The following SVOPL variants were observed in gnomAD, a reference collection of about 807,000 sequenced individuals.
SVOPL encodes SVOP like, also known as putative transporter SVOPL.
Under a neutral mutation model 61.0 loss-of-function variants are expected in SVOPL, and 60 were observed. The observed-to-expected ratio is 0.98, with a 90% confidence interval of 0.80 to 1.22. The LOEUF is 1.22. SVOPL is among the 50% of genes most tolerant of loss of function. SVOPL has a pLI of 0.00. For synonymous variants in SVOPL, 279 were observed against 250.0 expected, an observed-to-expected ratio of 1.12 and a Z score of -1.09; for missense variants, 662 against 643.9, an observed-to-expected ratio of 1.03 and a Z score of -0.30.
At chr7:138,640,221 C>CTT (rs34885728) in intron 9 of SVOPL, among the ~76,000 whole-genome samples, 12,365 of 149,844 alleles carry the variant, frequency 0.083, 1,389 homozygotes, top group African/African-American at 0.25. Flanking sequence ...TTTTTTTTAA[C>CTT]TTTTTTTTTT....
intron 5 of SVOPL, chr7:138,662,002 T>G: frequency 1.0e-6 from 1 of 985,474 alleles, no homozygotes; most frequent in Non-Finnish European, 1.2e-6. Flanking sequence ...TTCCCCTAAC[T>G]CCAGAGGTTT....
intron 14 of SVOPL, among the ~76,000 whole-genome samples, chr7:138,611,878 A>AC (rs1799032538): frequency 5.3e-5 from 4 of 75,912 alleles, no homozygotes; most frequent in Admixed American, 2.1e-4. Context: ...CCCGGCCGCC[A>AC]CCCCGTCTGG....
At chr7:138,661,212 C>T in intron 5 of SVOPL, 1 of 985,292 alleles carries the variant, frequency 1.0e-6, no homozygotes, top group Non-Finnish European at 1.2e-6. Flanking sequence ...AAAGACAGAC[C>T]TGGGTTTGTA....
chr7:138,641,833 T>TATATATATATATAA (rs1554464901), intron 9 of SVOPL, among the ~76,000 whole-genome samples: 17 of 37,220 alleles, frequency 4.6e-4, no homozygotes, highest in Admixed American at 1.3e-3. Flanking sequence ...TATATATATA[T>TATATATATATATAA]AACATATATA....
intron 1 of SVOPL, among the ~76,000 whole-genome samples, chr7:138,687,228 C>CTTTTTTTTTTTTTTTTTTT (rs71179722): frequency 2.6e-5 from 2 of 77,024 alleles, no homozygotes; most frequent in African/African-American, 1.1e-4. Flanking sequence ...CTTTTTTCCT[C>CTTTTTTTTTTTTTTTTTTT]TTTTTTTTTT....
intron 4 of SVOPL, chr7:138,664,184 T>TGGGC: frequency 1.8e-6 from 1 of 570,044 alleles, no homozygotes; most frequent in Non-Finnish European, 2.1e-6. Context: ...CACCCTACCC[T>TGGGC]GCCCTCCCCC....
At chr7:138,658,868 G>A (rs1801869920) in intron 6 of SVOPL, among the ~76,000 whole-genome samples, 1 of 135,394 alleles carries the variant, frequency 7.4e-6, no homozygotes, top group South Asian at 2.7e-4. Flanking sequence ...AATTTGAAGT[G>A]CCCCCCCGCC....
chr7:138,666,879 T>C (rs368892952), intron 4 of SVOPL, among the ~76,000 whole-genome samples: 1 of 152,168 alleles, frequency 6.6e-6, no homozygotes, highest in African/African-American at 2.4e-5. Context: ...ATGCCAGCCT[T>C]GTGAAACATA....
chr7:138,622,196 A>ATCTG (rs1563096550), intron 13 of SVOPL, among the ~76,000 whole-genome samples: 4 of 83,900 alleles, frequency 4.8e-5, no homozygotes, highest in Admixed American at 2.3e-4. Flanking sequence ...CTATCTATCT[A>ATCTG]TCTATGTATC....
intron 7 of SVOPL, among the ~76,000 whole-genome samples, chr7:138,650,101 A>G (rs969101379): frequency 3.9e-5 from 6 of 152,198 alleles, no homozygotes; most frequent in African/African-American, 1.2e-4. Flanking sequence ...AAGTGCTGGG[A>G]TTACAGGCGC....
chr7:138,676,899 C>CTTTTTTT (rs1191279496), intron 3 of SVOPL, among the ~76,000 whole-genome samples: 1 of 112,820 alleles, frequency 8.9e-6, no homozygotes, highest in Non-Finnish European at 1.7e-5. Context: ...CTTGGGGTTC[C>CTTTTTTT]TTTTTTTTTT....
chr7:138,613,792 TCAA>T (rs144023398), intron 14 of SVOPL, among the ~76,000 whole-genome samples: 41 of 152,258 alleles, frequency 2.7e-4, no homozygotes, highest in African/African-American at 9.1e-4. Flanking sequence ...TGTCAAATGT[TCAA>T]CAACAGGTTC....
intron 14 of SVOPL, among the ~76,000 whole-genome samples, chr7:138,615,418 G>C (rs777070716): frequency 6.6e-6 from 1 of 152,024 alleles, no homozygotes; most frequent in African/African-American, 2.4e-5. Flanking sequence ...TTAGCCGGGC[G>C]TGGTGGCGGG....
intron 1 of SVOPL, among the ~76,000 whole-genome samples, chr7:138,679,583 C>CT (rs1278962710): frequency 6.6e-6 from 1 of 152,086 alleles, no homozygotes; most frequent in Non-Finnish European, 1.5e-5. Flanking sequence ...TTCCCTACTA[C>CT]TTTTTAGGTA....
chr7:138,622,491 G>GC (rs61535522), intron 13 of SVOPL, among the ~76,000 whole-genome samples: 38,940 of 128,496 alleles, frequency 0.3, 5,961 homozygotes, highest in East Asian at 0.39. Context: ...GGCAGCGGCG[G>GC]GCGGGGGGTC....
In SVOPL at chr7:138,609,057, T is replaced by TA. The variant is rs372008679; in HGVS notation, c.1353+11988dup. Among the ~76,000 whole-genome samples, 72 of 152,172 alleles carry TA rather than the reference T, an allele frequency of 4.7e-4. 1 individual carries two copies. Among genetic ancestry groups the TA allele is most frequent in the African/African-American group, 1.7e-3 (71 of 41,544 alleles). On this transcript the variant is annotated intron_variant, in intron 14 of 15. Transcript: ENST00000674285. ...TGGGCAAGTACCTGAGTGGGCAAGC[T>TA]AAAAAAGATAAATTACCCAATTAAA...
intron 13 of SVOPL, among the ~76,000 whole-genome samples, chr7:138,624,693 C>CT (rs35627200): frequency 0.29 from 40,240 of 137,944 alleles, 5,509 homozygotes; most frequent in Middle Eastern, 0.35. Flanking sequence ...TAGAACCAAA[C>CT]TTTTTTTTTT....
At chr7:138,634,937 C>T (rs1563106829) in intron 9 of SVOPL, among the ~76,000 whole-genome samples, 1 of 152,148 alleles carries the variant, frequency 6.6e-6, no homozygotes, top group Non-Finnish European at 1.5e-5. Flanking sequence ...GCACTGCAGT[C>T]TGGGTGACAG....
chr7:138,695,805 G>A (rs1025886356), intron 1 of SVOPL, among the ~76,000 whole-genome samples: 2 of 151,902 alleles, frequency 1.3e-5, no homozygotes, highest in African/African-American at 2.4e-5. Flanking sequence ...ATTTTGGGGC[G>A]GAGTCTCACT....
Sources: gnomAD v4.1 joint callset for allele counts (sites outside exome capture counted in the v4.1 genomes callset) on GRCh38, gnomAD v4.1.1 for gene constraint, MANE v1.5 for transcripts, NCBI Gene and HGNC (gene_info 2026-07-23, HGNC 2026-07-21) for gene names.